Variants in TAF1B observed in about 807,000 individuals in gnomAD.
The protein encoded by TAF1B is TATA-box binding protein associated factor, RNA polymerase I subunit B.
Under a neutral mutation model 83.9 loss-of-function variants are expected in TAF1B, and 61 were observed. The ratio of observed to expected loss-of-function variants is 0.73; its 90% CI spans 0.59 to 0.90. The LOEUF is 0.90. Among genes scored for constraint, TAF1B ranks in the 40% least tolerant of loss-of-function variants. The probability of loss-of-function intolerance (pLI) is 0.00; values close to 1 mark genes in which losing one functional copy is unlikely to be tolerated. For missense variants in TAF1B, 625 were observed against 677.0 expected (o/e 0.92, Z 0.85); for synonymous variants, 221 against 224.6 (o/e 0.98, Z 0.14).
chr2:9,920,528 G>A (rs1665842287), intron 14 of TAF1B, among the ~76,000 whole-genome samples: 1 of 141,050 alleles, frequency 7.1e-6, no homozygotes, highest in South Asian at 2.3e-4. Flanking sequence ...AACAAGTGCC[G>A]TGTCCTCCTC....
At chr2:9,917,063 C>G (rs1330989639) in intron 12 of TAF1B, among the ~76,000 whole-genome samples, 1 of 152,076 alleles carries the variant, frequency 6.6e-6, no homozygotes, top group African/African-American at 2.4e-5. Context: ...TCAGGCTGGT[C>G]TCAAACTCCC....
At chr2:9,912,772 C>T (rs1316160980) in intron 11 of TAF1B, among the ~76,000 whole-genome samples, 1 of 152,146 alleles carries the variant, frequency 6.6e-6, no homozygotes, top group African/African-American at 2.4e-5. Context: ...GTCCAAGAAC[C>T]GTGAGTTCTA....
At chr2:9,894,328 T>C (rs1664956942) in intron 8 of TAF1B, among the ~76,000 whole-genome samples, 1 of 152,208 alleles carries the variant, frequency 6.6e-6, no homozygotes, top group Non-Finnish European at 1.5e-5. Context: ...CTGATATATT[T>C]ATTATACAAT....
chr2:9,856,879 A>G (rs1663582467), intron 5 of TAF1B, among the ~76,000 whole-genome samples: 1 of 152,228 alleles, frequency 6.6e-6, no homozygotes, highest in Admixed American at 6.5e-5. Context: ...GGAAATGGAA[A>G]CAATTACTTT....
intron 4 of TAF1B, chr2:9,852,271 G>A (rs1477280676): frequency 5.3e-6 from 1 of 189,656 alleles, no homozygotes; most frequent in East Asian, 1.5e-4. Context: ...CTGCCTTCCT[G>A]GAGCAACACA....
chr2:9,855,057 C>T (rs1663517196), intron 5 of TAF1B, among the ~76,000 whole-genome samples: 1 of 152,082 alleles, frequency 6.6e-6, no homozygotes. Flanking sequence ...TGCAATGGCG[C>T]CATCTTGGCT....
chr2:9,926,606 A>AGG (rs1463828793), intron 14 of TAF1B, among the ~76,000 whole-genome samples: 1 of 152,116 alleles, frequency 6.6e-6, no homozygotes, highest in Non-Finnish European at 1.5e-5. Flanking sequence ...TGGGAGGCTG[A>AGG]GGTGGGTGGA....
intron 4 of TAF1B, among the ~76,000 whole-genome samples, chr2:9,853,131 CTA>C (rs1663452892): frequency 6.6e-6 from 1 of 152,198 alleles, no homozygotes; most frequent in South Asian, 2.1e-4. Flanking sequence ...TATAGTTACA[CTA>C]TATAGCTGTA....
In TAF1B at chr2:9,925,296, C is replaced by T. The variant is rs191801477; in HGVS notation, c.1565+5476C>T. ...CTCTACTAAAATACAAAAAATTAGC[C>T]GGGCATGGTGGTGCATGCCTGTAGT... is the stretch of plus-strand genomic sequence containing the variant. On this transcript the variant is annotated intron_variant, in intron 14 of 14. Transcript: ENST00000263663. Among the ~76,000 whole-genome samples the T allele has an allele frequency of 6.4e-3, 968 of 151,754 alleles. 13 individuals carry two copies. Among genetic ancestry groups the T allele is most frequent in the African/African-American group, 0.022 (896 of 41,350 alleles).
chr2:9,849,324 G>T (rs768628722), intron 2 of TAF1B, 49 bp from the exon 3 acceptor site: 3 of 1,391,298 alleles, frequency 2.2e-6, no homozygotes, highest in Non-Finnish European at 2.9e-6. Flanking sequence ...AAAATGCTTA[G>T]GGGGATGTAA....
intron 8 of TAF1B, among the ~76,000 whole-genome samples, chr2:9,886,954 A>C (rs1401119116): frequency 6.6e-6 from 1 of 152,034 alleles, no homozygotes; most frequent in East Asian, 1.9e-4. Context: ...AGTCCCAGCT[A>C]CTCGGGAGGC....
chr2:9,898,464 G>A lies in TAF1B; in HGVS notation c.808-6395G>A, dbSNP rs917729777. Among the ~76,000 whole-genome samples the A allele has an allele frequency of 2.6e-5, 4 of 152,124 alleles. No individual in the cohort carries two copies. In the East Asian group the frequency reaches 5.8e-4, roughly 22 times the overall value. On this transcript the variant is annotated intron_variant, in intron 8 of 14. Transcript: ENST00000263663. ...AAGGGTCAGTATAAAACAAAATGCT[G>A]TTATACCTTATTAAGTATGTGTTGT...
At chr2:9,859,133 C>G (rs1039237311) in intron 5 of TAF1B, among the ~76,000 whole-genome samples, 4 of 152,212 alleles carry the variant, frequency 2.6e-5, no homozygotes, top group African/African-American at 9.7e-5. Flanking sequence ...TCTTTGTGAA[C>G]ACACATGACT....
chr2:9,909,540 A>C (rs1665459487), intron 9 of TAF1B, among the ~76,000 whole-genome samples: 1 of 152,220 alleles, frequency 6.6e-6, no homozygotes, highest in African/African-American at 2.4e-5. Flanking sequence ...TATGGAGATT[A>C]GGCTGGGAGC....
At chr2:9,851,203 CT>C (rs916143761) in intron 3 of TAF1B, among the ~76,000 whole-genome samples, 5 of 151,856 alleles carry the variant, frequency 3.3e-5, no homozygotes, top group African/African-American at 9.7e-5. Context: ...ACTCGTTTCA[CT>C]TTTTTTTAAC....
At chr2:9,923,641 T>C (rs1665945827) in intron 14 of TAF1B, among the ~76,000 whole-genome samples, 1 of 151,744 alleles carries the variant, frequency 6.6e-6, no homozygotes, top group African/African-American at 2.4e-5. Context: ...ATCACGCCAT[T>C]GCACTCCAGC....
chr2:9,853,042 A>G (rs1663448496), intron 4 of TAF1B, among the ~76,000 whole-genome samples: 2 of 152,226 alleles, frequency 1.3e-5, no homozygotes, highest in African/African-American at 4.8e-5. Context: ...ATTAGGTATG[A>G]TAGCTGATAG....
chr2:9,917,741 A>C (rs1572283603), intron 12 of TAF1B, among the ~76,000 whole-genome samples: 1 of 151,922 alleles, frequency 6.6e-6, no homozygotes, highest in Non-Finnish European at 1.5e-5. Context: ...GCCTTTAAGA[A>C]CCTCCATAAT....
At chr2:9,882,653 C>T (rs1664545505) in intron 7 of TAF1B, 53 bp from the exon 8 acceptor site, 2 of 1,181,744 alleles carry the variant, frequency 1.7e-6, no homozygotes, top group South Asian at 3.5e-5. Flanking sequence ...AGCATTTACT[C>T]TGCTATATCA....
Sources: gnomAD v4.1 joint callset for allele counts (sites outside exome capture counted in the v4.1 genomes callset) on GRCh38, gnomAD v4.1.1 for gene constraint, MANE v1.5 for transcripts, NCBI Gene and HGNC (gene_info 2026-07-23, HGNC 2026-07-21) for gene names.